The following SIRPG variants were observed in gnomAD, a reference collection of about 807,000 sequenced individuals.
SIRPG encodes the protein signal-regulatory protein gamma.
Under a neutral mutation model 35.7 loss-of-function variants are expected in SIRPG, and 38 were observed. The ratio of observed to expected loss-of-function variants is 1.06; its 90% CI spans 0.82 to 1.40. The LOEUF is 1.40. SIRPG is among the 40% of genes most tolerant of loss of function. SIRPG has a pLI of 0.00. For missense variants in SIRPG, 519 were observed against 483.0 expected (o/e 1.07, Z -0.70); for synonymous variants, 215 against 190.4 (o/e 1.13, Z -1.06).
chr20:1,635,331 G>A lies in SIRPG; in HGVS notation c.1017C>T (p.Val339=). Residue 339 remains valine (V), a synonymous_variant, in exon 4 of 6, where the codon GTC becomes GTT. Coordinates refer to ENST00000303415, the MANE Select transcript of SIRPG (RefSeq NM_018556.4). ...CQVKHDGQLA[V]SKRLALEVTV... The stretch of plus-strand genomic sequence containing the variant: ...TGACCTCTAGGGCAAGGCGTTTGCT[G>A]ACCGCCAGCTGCCCATCATGCTTCA... 1.2e-6 allele frequency: 2 copies of A among 1,614,218 alleles called. No individual in the cohort carries two copies. The highest frequency in any genetic ancestry group is 8.5e-7 in the Non-Finnish European group (1 of 1,180,024).
chr20:1,638,187 C>G (rs888668011), intron 2 of SIRPG, among the ~76,000 whole-genome samples: 1 of 152,114 alleles, frequency 6.6e-6, no homozygotes, highest in Admixed American at 6.6e-5. Context: ...CCCTTTATTG[C>G]CTTGAGGGGG....
upstream of SIRPG, among the ~76,000 whole-genome samples, chr20:1,661,278 G>T (rs2091995046): frequency 1.3e-5 from 2 of 152,152 alleles, no homozygotes. Flanking sequence ...CTAGAATCAT[G>T]GAGTCATTAC....
the SIRPG span, among the ~76,000 whole-genome samples, chr20:1,675,505 A>C: frequency 1.3e-5 from 2 of 152,138 alleles, no homozygotes; most frequent in African/African-American, 4.8e-5. Context: ...GTTTAGAATG[A>C]GGTTAGAGCA....
chr20:1,645,221 C>G (rs370946079), intron 2 of SIRPG, among the ~76,000 whole-genome samples: 4 of 152,212 alleles, frequency 2.6e-5, no homozygotes, highest in African/African-American at 9.6e-5. Flanking sequence ...GAGCTGTTTC[C>G]ACCACATTTT....
upstream of SIRPG, among the ~76,000 whole-genome samples, chr20:1,660,849 T>G (rs1442561809): frequency 6.6e-6 from 1 of 152,172 alleles, no homozygotes; most frequent in Non-Finnish European, 1.5e-5. Context: ...ACTAAAGATG[T>G]AAGACTGTGG....
upstream of SIRPG, among the ~76,000 whole-genome samples, chr20:1,659,670 A>T (rs1165004634): frequency 6.6e-6 from 1 of 152,240 alleles, no homozygotes; most frequent in South Asian, 2.1e-4. Context: ...TTTGCTCAAG[A>T]TCACCCGGCT....
chr20:1,676,337 C>T, the SIRPG span, among the ~76,000 whole-genome samples: 1 of 152,234 alleles, frequency 6.6e-6, no homozygotes, highest in African/African-American at 2.4e-5. Flanking sequence ...TGTACAAGGT[C>T]ACCCACTGCA....
intron 1 of SIRPG, among the ~76,000 whole-genome samples, chr20:1,657,177 T>A (rs1320937187): frequency 6.6e-6 from 1 of 152,154 alleles, no homozygotes; most frequent in Non-Finnish European, 1.5e-5. Context: ...GCATCTTGAT[T>A]TTGCAATTCA....
At chr20:1,638,524 C>T (rs879867545) in intron 2 of SIRPG, 1 of 151,680 alleles carries the variant, frequency 6.6e-6, no homozygotes, top group Non-Finnish European at 1.5e-5. Flanking sequence ...GGACAACTGG[C>T]TTTCAAAAAA....
At chr20:1,650,523 G>T (rs6110786) in intron 1 of SIRPG, among the ~76,000 whole-genome samples, 44,148 of 151,934 alleles carry the variant, frequency 0.29, 7,049 homozygotes, top group East Asian at 0.62. Flanking sequence ...AAAGCTGCAA[G>T]ATGGAATAAT....
At position 1,629,324 on chromosome 20, in the gene SIRPG, T is replaced by C. The variant is rs140526422; in HGVS notation, c.*315A>G. ...TGGTTTACGGTCAGTCTCAAGGCGA[T>C]GGATGGGAGTCCTGGTGTGTTTAGA... On this transcript the variant is annotated 3_prime_UTR_variant, in exon 6 of 6. Transcript: ENST00000303415. 0.021 allele frequency: 3,233 copies of C among 152,352 alleles called. 110 individuals carry two copies. The highest frequency in any genetic ancestry group is 0.073 in the African/African-American group (3,024 of 41,502). 9.4% of individuals were successfully genotyped at this position (152,352 alleles called of 1,614,324 possible).
At chr20:1,664,079 G>A in the SIRPG span, among the ~76,000 whole-genome samples, 1 of 152,182 alleles carries the variant, frequency 6.6e-6, no homozygotes, top group Non-Finnish European at 1.5e-5. Flanking sequence ...GAGAGAGAGA[G>A]AAGAGGGAGG....
the SIRPG span, among the ~76,000 whole-genome samples, chr20:1,679,378 G>T: frequency 1.3e-5 from 2 of 152,180 alleles, no homozygotes; most frequent in East Asian, 3.9e-4. Flanking sequence ...TGATAAAGCT[G>T]GTCCCTGCCA....
intron 2 of SIRPG, among the ~76,000 whole-genome samples, chr20:1,641,555 T>C (rs6074941): frequency 0.69 from 104,449 of 151,936 alleles, 36,254 homozygotes; most frequent in East Asian, 0.85. Flanking sequence ...AAAACCAGCT[T>C]CTGGATTCAT....
the SIRPG span, among the ~76,000 whole-genome samples, chr20:1,667,430 T>A: frequency 6.6e-6 from 1 of 152,224 alleles, no homozygotes; most frequent in Non-Finnish European, 1.5e-5. Flanking sequence ...CTTGTCTTCT[T>A]AGTTTAAAAG....
rs182951061 is a variant in SIRPG at position 1,649,811 on chromosome 20, A to G, written c.74-403T>C. 8.7e-5 allele frequency among the ~76,000 whole-genome samples: 13 copies of G among 149,820 alleles called. No individual in the cohort carries two copies. In the East Asian group the frequency reaches 2.2e-3, roughly 25 times the overall value. On this transcript the variant is annotated intron_variant, in intron 1 of 5. Coordinates refer to ENST00000303415, the MANE Select transcript of SIRPG (RefSeq NM_018556.4). Reference sequence around the variant, plus strand: ...ACCACCATGCCAGGTTAAGCTTTGTATTTTTGCAGAAACAGGTCACACCAT... The same window carrying G: ...ACCACCATGCCAGGTTAAGCTTTGTGTTTTTGCAGAAACAGGTCACACCAT...
At chr20:1,654,751 T>C (rs2091964647) in intron 1 of SIRPG, among the ~76,000 whole-genome samples, 1 of 152,136 alleles carries the variant, frequency 6.6e-6, no homozygotes, top group African/African-American at 2.4e-5. Flanking sequence ...AGAGACAACC[T>C]ATAGAATGGA....
the SIRPG span, among the ~76,000 whole-genome samples, chr20:1,685,598 T>C: frequency 0.026 from 3,902 of 152,152 alleles, 145 homozygotes; most frequent in African/African-American, 0.087. Flanking sequence ...AGCTGCCCAG[T>C]CTGTAGTACT....
At chr20:1,662,788 G>A in the SIRPG span, among the ~76,000 whole-genome samples, 1 of 152,118 alleles carries the variant, frequency 6.6e-6, no homozygotes, top group Non-Finnish European at 1.5e-5. Flanking sequence ...TGCAAAATAA[G>A]TACACGTGGT....
Sources: allele counts gnomAD v4.1 joint callset (sites outside exome capture counted in the v4.1 genomes callset), GRCh38; gene constraint gnomAD v4.1.1; transcripts MANE v1.5; gene names NCBI Gene and HGNC (gene_info 2026-07-23, HGNC 2026-07-21).